The following WASL variants were observed in gnomAD, a reference collection of about 807,000 sequenced individuals.
WASL encodes the protein WASP like actin nucleation promoting factor, also known as actin nucleation-promoting factor WASL.
Under a neutral mutation model 55.5 loss-of-function variants are expected in WASL, and 20 were observed. That is an observed-to-expected ratio of 0.36 (90% CI 0.25 to 0.52). The LOEUF (loss-of-function observed/expected upper bound fraction) is 0.52, where lower values mean the gene tolerates loss of function less well. Ranked by LOEUF, WASL falls within the 20% of genes least tolerant of loss-of-function variation. WASL has a pLI of 0.92. For synonymous variants in WASL, 249 were observed against 217.6 expected (o/e 1.14, Z -1.27); for missense variants, 504 against 622.5 (o/e 0.81, Z 2.03).
intron 1 of WASL, among the ~76,000 whole-genome samples, chr7:123,736,426 T>C (rs1452725314): frequency 6.6e-6 from 1 of 152,204 alleles, no homozygotes; most frequent in African/African-American, 2.4e-5. Flanking sequence ...TAAATGTCTC[T>C]AAAAGATAAC....
chr7:123,748,479 G>A (rs1584878940), intron 1 of WASL, 139 bp downstream of exon 1: 5 of 729,058 alleles, frequency 6.9e-6, no homozygotes, highest in East Asian at 3.8e-5. Context: ...CGCCGACGAG[G>A]GGCCGGGGCC....
chr7:123,734,830 C>CATCAATTG (rs1233433251), intron 1 of WASL, among the ~76,000 whole-genome samples: 2 of 151,996 alleles, frequency 1.3e-5, no homozygotes, highest in African/African-American at 2.4e-5. Flanking sequence ...AATACTGGAT[C>CATCAATTG]ATCAATTGTA....
Position 123,706,320 on chromosome 7 carries a change from T to C in WASL, c.393A>G (p.Arg131=). The C allele has an allele frequency of 6.2e-7, 1 of 1,613,766 alleles. No homozygotes were observed. Among genetic ancestry groups the C allele is most frequent in the Non-Finnish European group, 8.5e-7 (1 of 1,179,822 alleles). ...FANEEEAKKF[R]KAVTDLLGRR... is the part of the protein sequence containing the mutation. ...GGCCCAAAAGGTCTGTAACTGCTTT[T>C]CGAAATTTTTTTGCTTCTTCTTCAT... The change falls in exon 4 of 11, where the codon CGA becomes CGG. Residue 131 remains arginine (R), a synonymous_variant. Transcript: ENST00000223023.
intron 1 of WASL, among the ~76,000 whole-genome samples, chr7:123,711,184 C>G (rs1326829722): frequency 6.6e-6 from 1 of 151,952 alleles, no homozygotes; most frequent in East Asian, 1.9e-4. Context: ...TTATGAAAAT[C>G]CCCTTGCTAG....
chr7:123,705,970 T>C (rs1803663185), intron 4 of WASL, among the ~76,000 whole-genome samples: 1 of 152,172 alleles, frequency 6.6e-6, no homozygotes, highest in Admixed American at 6.5e-5. Flanking sequence ...GGTTATTGTA[T>C]TGGGCCCTTC....
At chr7:123,707,184 C>T (rs781582349) in intron 2 of WASL, among the ~76,000 whole-genome samples, 5 of 152,208 alleles carry the variant, frequency 3.3e-5, no homozygotes, top group Non-Finnish European at 5.9e-5. Flanking sequence ...TACTTTTGTA[C>T]ATGAACTGAT....
chr7:123,748,470 G>T (rs1327602491), intron 1 of WASL, 148 bp downstream of exon 1: 10 of 656,882 alleles, frequency 1.5e-5, no homozygotes, highest in Non-Finnish European at 2.3e-5. Flanking sequence ...GGGCGAGGGC[G>T]CCGACGAGGG....
chr7:123,694,694 C>T (rs1158413433), intron 8 of WASL, 21 bp downstream of exon 8: 6 of 1,610,856 alleles, frequency 3.7e-6, no homozygotes, highest in African/African-American at 1.3e-5. Context: ...AAACAGAACG[C>T]TGAATAGAGA....
At chr7:123,689,182 T>C (rs1226980222) in intron 9 of WASL, 32 bp from the exon 10 acceptor site, 10 of 1,567,072 alleles carry the variant, frequency 6.4e-6, no homozygotes, top group African/African-American at 1.4e-5. Context: ...AACTCAGTAA[T>C]AAATCTTTAG....
intron 5 of WASL, among the ~76,000 whole-genome samples, chr7:123,700,208 C>G (rs111886448): frequency 4.2e-5 from 3 of 72,034 alleles, no homozygotes. Context: ...AAAAAAAAAA[C>G]AACATTATTT....
chr7:123,732,634 T>C (rs1268628651), intron 1 of WASL, among the ~76,000 whole-genome samples: 1 of 152,196 alleles, frequency 6.6e-6, no homozygotes, highest in African/African-American at 2.4e-5. Flanking sequence ...GAGGAATACA[T>C]GATAGAAATC....
In WASL at chr7:123,687,069, CGTAA is replaced by C. The variant is rs369561583; in HGVS notation, c.1456+1969_1456+1972del. Among the ~76,000 whole-genome samples the C allele has an allele frequency of 3.2e-4, 48 of 152,242 alleles. No individual in the cohort carries two copies. In the East Asian group the frequency reaches 8.7e-3, roughly 28 times the overall value. On this transcript the variant is annotated intron_variant, in intron 10 of 10. Transcript: ENST00000223023. ...AATCTTCCCTCTCAAACTTTTTCTT[CGTAA>C]GTCTTTCCCCTTTCCAGTTGTTCAA...
chr7:123,724,239 A>G (rs1216130220), intron 1 of WASL, among the ~76,000 whole-genome samples: 1 of 152,228 alleles, frequency 6.6e-6, no homozygotes, highest in African/African-American at 2.4e-5. Context: ...GGGGCAATCA[A>G]CACTTTGACA....
intron 1 of WASL, among the ~76,000 whole-genome samples, chr7:123,742,504 G>A (rs576131007): frequency 2.0e-5 from 3 of 151,938 alleles, no homozygotes; most frequent in Non-Finnish European, 4.4e-5. Context: ...ACTAAAAACC[G>A]ATTTTTTTAA....
intron 1 of WASL, among the ~76,000 whole-genome samples, chr7:123,727,774 T>C (rs1229256865): frequency 6.6e-6 from 1 of 152,196 alleles, no homozygotes; most frequent in East Asian, 1.9e-4. Flanking sequence ...TCAAAATTCA[T>C]CAAAGTTAAT....
At chr7:123,721,394 G>A (rs974988698) in intron 1 of WASL, among the ~76,000 whole-genome samples, 6 of 152,114 alleles carry the variant, frequency 3.9e-5, no homozygotes, top group Non-Finnish European at 5.9e-5. Flanking sequence ...TTAAATATGA[G>A]CTTTTGAAGG....
chr7:123,699,392 GA>G lies in WASL; in HGVS notation c.461-2646del, dbSNP rs577876932. ...ACCCTGTCTCAAAAAAGGAAAAAAA[GA>G]AAAAGAATTAGGCACTCTCTTTATT... On this transcript the variant is annotated intron_variant, in intron 5 of 10. Coordinates refer to ENST00000223023, the MANE Select transcript of WASL (RefSeq NM_003941.4). 2.5e-3 allele frequency among the ~76,000 whole-genome samples: 376 copies of G among 152,156 alleles called. 3 individuals carry two copies. The highest frequency in any genetic ancestry group is 8.4e-3 in the African/African-American group (349 of 41,534).
At chr7:123,734,714 G>A (rs898285452) in intron 1 of WASL, among the ~76,000 whole-genome samples, 8 of 151,902 alleles carry the variant, frequency 5.3e-5, no homozygotes, top group Admixed American at 3.9e-4. Flanking sequence ...ACACTGTAAC[G>A]GTGGACATGA....
intron 1 of WASL, among the ~76,000 whole-genome samples, chr7:123,721,214 TTTG>T (rs1473653903): frequency 6.6e-6 from 1 of 152,248 alleles, no homozygotes; most frequent in Non-Finnish European, 1.5e-5. Context: ...GTCTTCCATA[TTTG>T]TTATTCTATA....
Sources: gnomAD v4.1 joint callset for allele counts (sites outside exome capture counted in the v4.1 genomes callset) on GRCh38, gnomAD v4.1.1 for gene constraint, MANE v1.5 for transcripts, NCBI Gene and HGNC (gene_info 2026-07-23, HGNC 2026-07-21) for gene names.